PLCE1: variants seen among roughly 807,000 people sequenced by gnomAD.
PLCE1 encodes the protein 1-phosphatidylinositol 4,5-bisphosphate phosphodiesterase epsilon-1.
A neutral mutation model predicts 242.8 loss-of-function variants in PLCE1; 119 were observed. The ratio of observed to expected loss-of-function variants is 0.49; its 90% CI spans 0.42 to 0.57. The LOEUF (loss-of-function observed/expected upper bound fraction) is 0.57. Among genes scored for constraint, PLCE1 ranks in the 20% least tolerant of loss-of-function variants. The pLI is 0.00. For synonymous variants in PLCE1, 945 were observed against 1,017.4 expected, an observed-to-expected ratio of 0.93 and a Z score of 1.35; for missense variants, 2,441 against 2,788.8, an observed-to-expected ratio of 0.88 and a Z score of 2.81.
At chr10:94,282,901 C>T (rs1028601972) in intron 20 of PLCE1, among the ~76,000 whole-genome samples, 7 of 152,034 alleles carry the variant, frequency 4.6e-5, no homozygotes, top group Non-Finnish European at 1.0e-4. Flanking sequence ...TTTCTTGGGC[C>T]CGGTTAGCAT....
At chr10:94,220,205 TAC>T (rs113547850) in intron 4 of PLCE1, among the ~76,000 whole-genome samples, 224 of 147,084 alleles carry the variant, frequency 1.5e-3, no homozygotes, top group Middle Eastern at 0.014. Flanking sequence ...CACACACACA[TAC>T]ACACACACAC....
At chr10:94,040,009 A>C (rs986133286) in intron 2 of PLCE1, among the ~76,000 whole-genome samples, 3 of 152,240 alleles carry the variant, frequency 2.0e-5, no homozygotes, top group Admixed American at 6.5e-5. Flanking sequence ...GCAAGTGGCA[A>C]AGGAGGTTTA....
chr10:94,055,778 C>T (rs1057480065), intron 2 of PLCE1, among the ~76,000 whole-genome samples: 4 of 152,094 alleles, frequency 2.6e-5, no homozygotes, highest in African/African-American at 9.7e-5. Context: ...TTTATGGATC[C>T]CTTCTCAGGG....
chr10:94,097,123 A>T (rs2045345644), intron 2 of PLCE1, among the ~76,000 whole-genome samples: 1 of 152,244 alleles, frequency 6.6e-6, no homozygotes, highest in Non-Finnish European at 1.5e-5. Context: ...GACCAAGTTC[A>T]TGTGTAGTCA....
At position 94,246,435 on chromosome 10, in the gene PLCE1, T is replaced by A. The variant is rs1564824993; in HGVS notation, c.2910T>A (p.Thr970=). Residue 970 remains threonine, a synonymous_variant, in exon 8 of 33, where the codon ACT becomes ACA. Coordinates refer to ENST00000371380, the MANE Select transcript of PLCE1 (RefSeq NM_016341.4). ...TGGGTAGCATGTTCCTGTCAGAGAC[T>A]GGTGTGACATTGCTCTATGGGCTTC... ...NKLGSMFLSE[T]GVTLLYGLQT... 1.2e-6 allele frequency: 2 copies of A among 1,614,218 alleles called. No individual in the cohort carries two copies. The highest frequency in any genetic ancestry group is 1.1e-5 in the South Asian group (1 of 91,082).
chr10:94,016,400 G>A (rs975240147), intron 1 of PLCE1, among the ~76,000 whole-genome samples: 11 of 152,042 alleles, frequency 7.2e-5, no homozygotes, highest in Non-Finnish European at 1.3e-4. Flanking sequence ...ACTCATTTAT[G>A]TTTCATACAT....
chr10:94,137,642 C>G (rs2046825744), intron 3 of PLCE1: 1 of 154,910 alleles, frequency 6.5e-6, no homozygotes, highest in African/African-American at 2.4e-5. Context: ...ATAACCGAGA[C>G]AAAACATAGT....
chr10:94,138,297 G>A, intron 3 of PLCE1: 1 of 344,180 alleles, frequency 2.9e-6, no homozygotes, highest in Non-Finnish European at 5.7e-6. Flanking sequence ...CCATGCCACG[G>A]TGATGGCATG....
At chr10:94,317,999 A>G (rs1408880851) in intron 29 of PLCE1, among the ~76,000 whole-genome samples, 2 of 152,156 alleles carry the variant, frequency 1.3e-5, no homozygotes, top group African/African-American at 2.4e-5. Flanking sequence ...CACAGTGAAG[A>G]TAATAGCCAA....
intron 2 of PLCE1, among the ~76,000 whole-genome samples, chr10:94,040,798 A>G (rs1187613164): frequency 6.6e-6 from 1 of 152,140 alleles, no homozygotes; most frequent in Non-Finnish European, 1.5e-5. Flanking sequence ...AAAAGCTAAG[A>G]GTGGCTTCTG....
chr10:94,083,850 A>G (rs2044724229), intron 2 of PLCE1, among the ~76,000 whole-genome samples: 1 of 152,198 alleles, frequency 6.6e-6, no homozygotes, highest in South Asian at 2.1e-4. Context: ...GCCAGTAATG[A>G]TTGGCCGACT....
intron 2 of PLCE1, among the ~76,000 whole-genome samples, chr10:94,084,940 TA>T (rs1465581272): frequency 1.3e-5 from 2 of 152,168 alleles, no homozygotes; most frequent in Admixed American, 6.5e-5. Context: ...TTTGTGGCAT[TA>T]AACAGGAAAA....
chr10:94,147,800 A>T (rs1244980400), intron 3 of PLCE1, among the ~76,000 whole-genome samples: 1 of 152,222 alleles, frequency 6.6e-6, no homozygotes, highest in African/African-American at 2.4e-5. Flanking sequence ...CCTCTAGTCT[A>T]CCTGTAGGAA....
intron 25 of PLCE1, 54 bp downstream of exon 25, chr10:94,304,699 A>G: frequency 6.4e-7 from 1 of 1,564,040 alleles, no homozygotes; most frequent in Non-Finnish European, 8.8e-7. Flanking sequence ...CCTTCCTGAA[A>G]ACGAACTGGT....
intron 5 of PLCE1, among the ~76,000 whole-genome samples, chr10:94,230,165 T>A (rs2050093119): frequency 6.6e-6 from 1 of 152,192 alleles, no homozygotes; most frequent in Non-Finnish European, 1.5e-5. Context: ...CTTAAGCCAC[T>A]AGTAAGAAGT....
Position 94,086,376 on chromosome 10 carries a change from T to C in PLCE1, c.1207-45798T>C, listed in dbSNP as rs185010951. ...TTTTATTTTCTAGTCTTGGCTCTGA[T>C]TTGCTTGTAAGCCAAAATTACATCC... On this transcript the variant is annotated intron_variant, in intron 2 of 32. Transcript: ENST00000371380. Among the ~76,000 whole-genome samples the C allele has an allele frequency of 1.4e-3, 220 of 152,350 alleles. 2 individuals carry two copies. Among genetic ancestry groups the C allele is most frequent in the African/African-American group, 4.4e-3 (183 of 41,584 alleles).
At chr10:94,075,796 T>A (rs1240441569) in intron 2 of PLCE1, among the ~76,000 whole-genome samples, 1 of 152,262 alleles carries the variant, frequency 6.6e-6, no homozygotes, top group Non-Finnish European at 1.5e-5. Flanking sequence ...TGCGTTCTGC[T>A]GTTCAGAGTT....
In PLCE1 at chr10:94,134,547, T is replaced by A. The variant is rs139997607; in HGVS notation, c.1492+2088T>A. Among the ~76,000 whole-genome samples the A allele has an allele frequency of 3.9e-3, 586 of 152,178 alleles. 2 individuals carry two copies. Among genetic ancestry groups the A allele is most frequent in the African/African-American group, 0.014 (567 of 41,528 alleles). ...AGCTCAACTGAACCATTCCACAAGG[T>A]ATACATATTTCAAAACATCATGTTT... On this transcript the variant is annotated intron_variant, in intron 3 of 32. Transcript: ENST00000371380.
chr10:94,175,813 AAC>A (rs2048110133), intron 4 of PLCE1, among the ~76,000 whole-genome samples: 1 of 152,228 alleles, frequency 6.6e-6, no homozygotes, highest in South Asian at 2.1e-4. Flanking sequence ...AATAAGTGAG[AAC>A]ACACAGAGGT....
Sources: gnomAD v4.1 joint callset for allele counts (sites outside exome capture counted in the v4.1 genomes callset) on GRCh38, gnomAD v4.1.1 for gene constraint, MANE v1.5 for transcripts, NCBI Gene and HGNC (gene_info 2026-07-23, HGNC 2026-07-21) for gene names.